The following HADH variants were observed in gnomAD, a reference collection of about 807,000 sequenced individuals.
The protein encoded by HADH is hydroxyacyl-coenzyme A dehydrogenase, mitochondrial.
HADH carries 24 observed loss-of-function variants against 32.2 expected under a neutral mutation model. The observed-to-expected ratio is 0.75, with a 90% confidence interval of 0.54 to 1.05. The LOEUF (loss-of-function observed/expected upper bound fraction) is 1.05, where lower values mean the gene tolerates loss of function less well. Among genes scored for constraint, HADH ranks in the 50% least tolerant of loss-of-function variants. HADH has a pLI of 0.00. For missense variants in HADH, 350 were observed against 397.1 expected, an observed-to-expected ratio of 0.88 and a Z score of 1.01; for synonymous variants, 139 against 152.5, an observed-to-expected ratio of 0.91 and a Z score of 0.65.
At chr4:107,992,393 A>G (rs1734841824) in intron 1 of HADH, among the ~76,000 whole-genome samples, 1 of 152,224 alleles carries the variant, frequency 6.6e-6, no homozygotes, top group East Asian at 1.9e-4. Context: ...AATGCTTTGC[A>G]GTGGTTTAGC....
chr4:108,015,677 G>A (rs886514309), intron 3 of HADH, among the ~76,000 whole-genome samples: 3 of 152,176 alleles, frequency 2.0e-5, no homozygotes, highest in Non-Finnish European at 4.4e-5. Context: ...TCTGATCCTT[G>A]TCCCAGATGC....
chr4:108,016,446 T>A (rs1735697181), intron 3 of HADH, among the ~76,000 whole-genome samples: 1 of 152,182 alleles, frequency 6.6e-6, no homozygotes, highest in African/African-American at 2.4e-5. Flanking sequence ...CTCGTGCATT[T>A]CACACTGGCA....
chr4:108,016,284 G>A (rs940657017), intron 3 of HADH, among the ~76,000 whole-genome samples: 1 of 152,174 alleles, frequency 6.6e-6, no homozygotes, highest in African/African-American at 2.4e-5. Flanking sequence ...GGCACTTCCG[G>A]TGGGCAGTGG....
chr4:108,009,968 T>C (rs75533224), intron 2 of HADH, 81 bp downstream of exon 2: 1 of 898,126 alleles, frequency 1.1e-6, no homozygotes, highest in Non-Finnish European at 1.7e-6. Flanking sequence ...TTTCTGGCTT[T>C]CTTTCTTTCT....
chr4:107,991,423 G>A (rs1578239506), intron 1 of HADH, among the ~76,000 whole-genome samples: 1 of 151,804 alleles, frequency 6.6e-6, no homozygotes, highest in African/African-American at 2.4e-5. Context: ...TTACTATTAG[G>A]TATTATATAT....
intron 4 of HADH, among the ~76,000 whole-genome samples, chr4:108,023,214 G>A (rs187303628): frequency 8.5e-4 from 130 of 152,176 alleles, no homozygotes; most frequent in Non-Finnish European, 4.9e-4. Flanking sequence ...GGATGGTCTC[G>A]ATCTCTTGAC....
chr4:108,029,016 G>A (rs553883009), intron 6 of HADH: 2 of 397,624 alleles, frequency 5.0e-6, no homozygotes, highest in East Asian at 3.6e-5. Context: ...TCTGGGCATG[G>A]GCTTCAACAG....
intron 1 of HADH, chr4:108,004,479 TGTG>T: frequency 2.5e-6 from 1 of 392,752 alleles, no homozygotes; most frequent in South Asian, 2.2e-5. Flanking sequence ...CTGTCCAAGT[TGTG>T]GTATACTCCA....
intron 1 of HADH, chr4:108,004,614 C>A (rs768465189): frequency 3.4e-6 from 5 of 1,480,132 alleles, no homozygotes; most frequent in Non-Finnish European, 4.5e-6. Context: ...AGATTTTATT[C>A]AGGAGGAGTA....
Position 108,009,789 on chromosome 4 carries a change from T to C in HADH, c.163T>C (p.Leu55=), listed in dbSNP as rs1175737599. Residue 55 remains leucine, a synonymous_variant, in exon 2 of 8, where the codon TTG becomes CTG. Transcript: ENST00000309522. The stretch of plus-strand genomic sequence containing the variant: ...TGCAGCAACTGGTCACACAGTAGTG[T>C]TGGTAGACCAGACAGAGGACATCCT... ...VAAATGHTVV[L]VDQTEDILAK... The C allele has an allele frequency of 2.5e-6, 4 of 1,612,070 alleles. No individual in the cohort carries two copies. The African/African-American group carries it at 5.3e-5, about 22-fold the overall frequency.
chr4:108,015,977 C>A (rs1430565640), intron 3 of HADH, among the ~76,000 whole-genome samples: 1 of 152,056 alleles, frequency 6.6e-6, no homozygotes, highest in Non-Finnish European at 1.5e-5. Flanking sequence ...ATGGAGCAAA[C>A]AGAATGGTGT....
intron 1 of HADH, among the ~76,000 whole-genome samples, chr4:107,999,914 CA>C (rs1735069658): frequency 1.3e-5 from 2 of 152,018 alleles, no homozygotes; most frequent in Non-Finnish European, 2.9e-5. Context: ...TGTGATATGA[CA>C]TATAGTGTGT....
At chr4:108,012,591 G>A (rs1478125523) in intron 2 of HADH, among the ~76,000 whole-genome samples, 1 of 152,186 alleles carries the variant, frequency 6.6e-6, no homozygotes, top group Non-Finnish European at 1.5e-5. Context: ...AGAGGCAAAG[G>A]CAGATGAGAA....
Position 108,023,581 on chromosome 4 carries a change from T to C in HADH, c.636+18T>C. The stretch of plus-strand genomic sequence containing the variant: ...CTTGCAAGGTAAGAGTATGGGTAGC[T>C]TGGGAAGGAGGTAGTTCTTTTCTTC... On this transcript the variant is annotated intron_variant, in intron 5 of 7. Transcript: ENST00000309522. 1 of 1,383,120 alleles carries C rather than the reference T, an allele frequency of 7.2e-7. No individual in the cohort carries two copies. The highest frequency in any genetic ancestry group is 1.0e-6 in the Non-Finnish European group (1 of 968,578). 85.7% of individuals were successfully genotyped at this position (1,383,120 alleles called of 1,614,324 possible). A position where few individuals can be genotyped will look rare whatever the true frequency, so the allele number is the denominator to read the frequency against.
intron 3 of HADH, among the ~76,000 whole-genome samples, chr4:108,019,246 T>C (rs1311046487): frequency 2.6e-5 from 4 of 152,224 alleles, no homozygotes; most frequent in Non-Finnish European, 5.9e-5. Context: ...AGTTAACTAA[T>C]ACAAGTAGGT....
chr4:108,022,158 CATAT>C (rs571452945), intron 4 of HADH, among the ~76,000 whole-genome samples: 48 of 140,168 alleles, frequency 3.4e-4, no homozygotes, highest in African/African-American at 4.4e-4. Flanking sequence ...TTACATTTTA[CATAT>C]ATATATGTGT....
intron 1 of HADH, chr4:108,004,726 G>A: frequency 6.5e-7 from 1 of 1,533,106 alleles, no homozygotes; most frequent in Non-Finnish European, 8.7e-7. Context: ...GAAGAGAGAA[G>A]TTAGATGGAA....
At chr4:107,996,673 C>T (rs540945833) in intron 1 of HADH, among the ~76,000 whole-genome samples, 7 of 152,296 alleles carry the variant, frequency 4.6e-5, no homozygotes, top group Non-Finnish European at 8.8e-5. Context: ...GCGAGCAGAT[C>T]ACTTGAAGTC....
At chr4:107,993,311 C>T (rs1734867028) in intron 1 of HADH, among the ~76,000 whole-genome samples, 1 of 152,036 alleles carries the variant, frequency 6.6e-6, no homozygotes, top group Non-Finnish European at 1.5e-5. Flanking sequence ...GATGCTGCAG[C>T]GGGTATGTTT....
Sources: allele counts gnomAD v4.1 joint callset (sites outside exome capture counted in the v4.1 genomes callset), GRCh38; gene constraint gnomAD v4.1.1; transcripts MANE v1.5; gene names NCBI Gene and HGNC (gene_info 2026-07-23, HGNC 2026-07-21).